OTC: variants seen among roughly 807,000 people sequenced by gnomAD.
OTC encodes ornithine transcarbamylase.
A neutral mutation model predicts 30.3 loss-of-function variants in OTC; 3 were observed. The ratio of observed to expected loss-of-function variants is 0.10; its 90% CI spans 0.05 to 0.26. The LOEUF is 0.26. Among genes scored for constraint, OTC ranks in the 10% least tolerant of loss-of-function variants. The pLI, the probability that OTC is intolerant of heterozygous loss-of-function variation, is 1.00. For synonymous variants in OTC, 111 were observed against 99.7 expected (o/e 1.11, Z -0.67); for missense variants, 194 against 260.3 (o/e 0.75, Z 1.75).
chrX:38,333,164 G>A, the OTC span, among the ~76,000 whole-genome samples: 35 of 101,699 alleles, frequency 3.4e-4, no homozygotes, highest in Non-Finnish European at 6.3e-4. Flanking sequence ...GGAGTGAGCC[G>A]AGATCGCACC....
At chrX:38,402,616 G>A (rs1273619490) in intron 5 of OTC, among the ~76,000 whole-genome samples, 1 of 111,404 alleles carries the variant, frequency 9.0e-6, no homozygotes, top group Non-Finnish European at 1.9e-5. Flanking sequence ...ACACAGTTTT[G>A]TCAATTCTTA....
intron 5 of OTC, among the ~76,000 whole-genome samples, chrX:38,402,486 A>G (rs1431752346): frequency 8.9e-6 from 1 of 112,453 alleles, no homozygotes; most frequent in African/African-American, 3.2e-5. Flanking sequence ...TAGCTTAGCC[A>G]ACTAGTAGTT....
At chrX:38,415,528 T>C (rs2068566557) in intron 9 of OTC, among the ~76,000 whole-genome samples, 1 of 111,399 alleles carries the variant, frequency 9.0e-6, no homozygotes, top group African/African-American at 3.3e-5. Context: ...GCTTTTTAAA[T>C]TTAAATCTAA....
chrX:38,333,820 T>G, the OTC span, among the ~76,000 whole-genome samples: 1 of 112,618 alleles, frequency 8.9e-6, no homozygotes, highest in Non-Finnish European at 1.9e-5. Context: ...GATAAACAGG[T>G]GTGTCTCTAC....
chrX:38,352,427 A>C (rs781555626), upstream of OTC: 65 of 333,850 alleles, frequency 1.9e-4, no homozygotes, highest in Middle Eastern at 3.6e-3. Context: ...ATATATTATG[A>C]AAAATGAGGA....
At chrX:38,352,467 T>C (rs1274773300), upstream of OTC, 1 of 386,714 alleles carries the variant, frequency 2.6e-6, no homozygotes, top group East Asian at 4.5e-5. Flanking sequence ...CAGGATTTCT[T>C]CCAAAAAAAA....
the OTC span, among the ~76,000 whole-genome samples, chrX:38,336,545 AAG>A: frequency 9.1e-6 from 1 of 110,067 alleles, no homozygotes; most frequent in Admixed American, 9.8e-5. Flanking sequence ...AAATAAAAAA[AAG>A]AGAGAGATCA....
chrX:38,344,552 C>A, the OTC span, among the ~76,000 whole-genome samples: 1 of 110,984 alleles, frequency 9.0e-6, no homozygotes, highest in African/African-American at 3.3e-5. Flanking sequence ...AAAAAAAACT[C>A]AATCTCAACC....
At chrX:38,410,543 T>C (rs779850204) in intron 8 of OTC, among the ~76,000 whole-genome samples, 1 of 112,567 alleles carries the variant, frequency 8.9e-6, no homozygotes, top group African/African-American at 3.2e-5. Context: ...TTTTTATGTT[T>C]ATTGGGCATT....
intron 1 of OTC, among the ~76,000 whole-genome samples, chrX:38,361,997 T>G (rs2068274296): frequency 9.0e-6 from 1 of 111,361 alleles, no homozygotes; most frequent in Non-Finnish European, 1.9e-5. Context: ...AAAACAGTTT[T>G]GGAGGACATT....
chrX:38,353,602 G>C (rs1426363558), intron 1 of OTC, among the ~76,000 whole-genome samples: 1 of 111,592 alleles, frequency 9.0e-6, no homozygotes, highest in Non-Finnish European at 1.9e-5. Context: ...TTTATTATTA[G>C]TAAGTGGACC....
At chrX:38,328,892 G>C in the OTC span, among the ~76,000 whole-genome samples, 1 of 111,319 alleles carries the variant, frequency 9.0e-6, no homozygotes, top group South Asian at 3.8e-4. Context: ...AATATTTTAG[G>C]TCTTAGAATC....
At chrX:38,390,756 T>TCTCATCAACATCCATGTTTG (rs981746925) in intron 4 of OTC, among the ~76,000 whole-genome samples, 5 of 112,304 alleles carry the variant, frequency 4.5e-5, no homozygotes, top group Admixed American at 1.9e-4. Context: ...TGATTGTCCA[T>TCTCATCAACATCCATGTTTG]CTCATCAACA....
At chrX:38,412,838 G>A (rs1410781714) in intron 9 of OTC, among the ~76,000 whole-genome samples, 1 of 111,783 alleles carries the variant, frequency 8.9e-6, no homozygotes, top group Non-Finnish European at 1.9e-5. Flanking sequence ...AATAATTCTT[G>A]GACACCATAT....
rs900040337 is a variant in OTC, at chrX:38,421,144, G to C, written c.*62G>C. 1.7e-5 allele frequency: 14 copies of C among 802,095 alleles called. No homozygotes were observed. Among genetic ancestry groups the C allele is most frequent in the Middle Eastern group, 2.8e-4 (1 of 3,582 alleles). 66.1% of individuals were successfully genotyped at this position (802,095 alleles called of 1,213,427 possible). ...CAGTAACAGAATGAGTTGGTTTATG[G>C]GGAAAAGAGAAGAGAATCTAAAAAA... On this transcript the variant is annotated 3_prime_UTR_variant, in exon 10 of 10. Coordinates refer to ENST00000039007, the MANE Select transcript of OTC (RefSeq NM_000531.6).
At chrX:38,387,422 A>C (rs1223117650) in intron 4 of OTC, among the ~76,000 whole-genome samples, 2 of 112,324 alleles carry the variant, frequency 1.8e-5, no homozygotes, top group Non-Finnish European at 3.8e-5. Flanking sequence ...AAAAAACTGT[A>C]TTGTTCTTTT....
chrX:38,404,709 T>TCC, intron 6 of OTC, among the ~76,000 whole-genome samples: 1 of 99,857 alleles, frequency 1.0e-5, no homozygotes, highest in South Asian at 3.8e-4. Context: ...CCAAGGGAGA[T>TCC]CCCTAAGGGA....
downstream of OTC, among the ~76,000 whole-genome samples, chrX:38,422,399 T>A (rs2068600226): frequency 8.9e-6 from 1 of 111,902 alleles, no homozygotes; most frequent in South Asian, 3.7e-4. Context: ...TGGAGTTTAG[T>A]GGAATATCTT....
chrX:38,358,368 A>G (rs1215240788), intron 1 of OTC, among the ~76,000 whole-genome samples: 3 of 111,343 alleles, frequency 2.7e-5, no homozygotes, highest in East Asian at 2.8e-4. Flanking sequence ...TGGCAACTCC[A>G]TTTTGGAGCC....
Sources: gnomAD v4.1 joint callset for allele counts (sites outside exome capture counted in the v4.1 genomes callset) on GRCh38, gnomAD v4.1.1 for gene constraint, MANE v1.5 for transcripts, NCBI Gene and HGNC (gene_info 2026-07-23, HGNC 2026-07-21) for gene names.